GABRB1: variants seen among roughly 807,000 people sequenced by gnomAD.
GABRB1 encodes gamma-aminobutyric acid type A receptor subunit beta1.
In GABRB1, 17 loss-of-function variants were observed where a neutral mutation model predicts 51.6. The ratio of observed to expected loss-of-function variants is 0.33; its 90% CI spans 0.23 to 0.49. The LOEUF (loss-of-function observed/expected upper bound fraction) is 0.49, where lower values mean the gene tolerates loss of function less well. Ranked by LOEUF, GABRB1 falls within the 20% of genes least tolerant of loss-of-function variation. GABRB1 has a pLI of 0.99. For missense variants in GABRB1, 410 were observed against 600.6 expected, an observed-to-expected ratio of 0.68 and a Z score of 3.32; for synonymous variants, 247 against 218.9, an observed-to-expected ratio of 1.13 and a Z score of -1.14.
chr4:47,257,416 C>A (rs1289431716), intron 4 of GABRB1, among the ~76,000 whole-genome samples: 1 of 152,066 alleles, frequency 6.6e-6, no homozygotes, highest in Non-Finnish European at 1.5e-5. Context: ...TTTGAGTGTA[C>A]CATCTCTTTT....
chr4:47,336,635 A>T (rs938364351), intron 5 of GABRB1, among the ~76,000 whole-genome samples: 57 of 149,776 alleles, frequency 3.8e-4, no homozygotes, highest in African/African-American at 1.4e-3. Flanking sequence ...AATCAAGGTA[A>T]AAAAAAAATG....
At chr4:47,025,039 A>G (rs1292747552) in intron 1 of GABRB1, among the ~76,000 whole-genome samples, 1 of 148,424 alleles carries the variant, frequency 6.7e-6, no homozygotes, top group Admixed American at 6.8e-5. Context: ...AAAATTTACA[A>G]TTACATTTCA....
intron 4 of GABRB1, among the ~76,000 whole-genome samples, chr4:47,231,654 T>A (rs1005903615): frequency 6.6e-6 from 1 of 152,214 alleles, no homozygotes; most frequent in African/African-American, 2.4e-5. Flanking sequence ...GGAACTAGAT[T>A]ACCTTTTCAT....
chr4:47,412,138 A>G (rs1186956338), intron 8 of GABRB1, among the ~76,000 whole-genome samples: 2 of 152,110 alleles, frequency 1.3e-5, no homozygotes, highest in Non-Finnish European at 2.9e-5. Flanking sequence ...CATGATAGTG[A>G]GTATATGTTT....
Position 47,184,867 on chromosome 4 carries a change from T to C in GABRB1, c.461+23398T>C, listed in dbSNP as rs556697894. Among the ~76,000 whole-genome samples, 11 of 151,720 alleles carry C rather than the reference T, an allele frequency of 7.3e-5. No homozygotes were observed. The East Asian group carries it at 2.1e-3, about 30-fold the overall frequency. ...ATCAGAGACTGCCACATACATAAGG[T>C]TTTTGAATATTATATCTTTTAGGCA... On this transcript the variant is annotated intron_variant, in intron 4 of 8. Coordinates refer to ENST00000295454, the MANE Select transcript of GABRB1 (RefSeq NM_000812.4).
At chr4:47,125,555 A>ATTTTTTTTTTTTT (rs570181191) in intron 3 of GABRB1, among the ~76,000 whole-genome samples, 25 of 21,024 alleles carry the variant, frequency 1.2e-3, no homozygotes, top group East Asian at 3.2e-3. Context: ...ACAAAGTATA[A>ATTTTTTTTTTTTT]TTTCTTTTTT....
At position 47,002,510 on chromosome 4, in the gene GABRB1, T is replaced by A. The variant is rs1560492324; in HGVS notation, c.-20+8584T>A. The stretch of plus-strand genomic sequence containing the variant: ...TCACTAATCATTCTAGACACAAATA[T>A]TTTAGTCTTTCAAATGTTTAAATAA... On this transcript the variant is annotated intron_variant, in intron 1 of 3. Transcript: ENST00000513567. Among the ~76,000 whole-genome samples the A allele has an allele frequency of 1.3e-5, 2 of 152,160 alleles. 1 individual carries two copies. The highest frequency in any genetic ancestry group is 3.8e-4 in the East Asian group (2 of 5,198).
intron 5 of GABRB1, among the ~76,000 whole-genome samples, chr4:47,386,803 A>T (rs1388642579): frequency 6.6e-6 from 1 of 152,218 alleles, no homozygotes; most frequent in Non-Finnish European, 1.5e-5. Flanking sequence ...GTAACCCCAC[A>T]TTCTGTAAAA....
intron 3 of GABRB1, among the ~76,000 whole-genome samples, chr4:47,150,182 AACACACACACAC>A (rs36209473): frequency 3.6e-3 from 512 of 141,072 alleles, no homozygotes; most frequent in Middle Eastern, 0.011. Context: ...ACACACACAC[AACACACACACAC>A]ACACACACAC....
At chr4:47,102,766 C>T (rs1168788975) in intron 3 of GABRB1, among the ~76,000 whole-genome samples, 6 of 151,914 alleles carry the variant, frequency 3.9e-5, no homozygotes, top group African/African-American at 1.5e-4. Flanking sequence ...CTTAAAGCAT[C>T]AGAGTAGGAT....
At chr4:47,296,274 T>C (rs1723989439) in intron 4 of GABRB1, among the ~76,000 whole-genome samples, 1 of 152,164 alleles carries the variant, frequency 6.6e-6, no homozygotes, top group Non-Finnish European at 1.5e-5. Context: ...ACCTTAAATG[T>C]AAATGAGCTA....
At chr4:47,017,973 A>G (rs1260613882) in intron 1 of GABRB1, among the ~76,000 whole-genome samples, 1 of 151,960 alleles carries the variant, frequency 6.6e-6, no homozygotes, top group Non-Finnish European at 1.5e-5. Context: ...GTTGTTATTC[A>G]TGTTTTCATT....
At chr4:47,189,006 A>G (rs1244086327) in intron 4 of GABRB1, among the ~76,000 whole-genome samples, 1 of 152,062 alleles carries the variant, frequency 6.6e-6, no homozygotes, top group Non-Finnish European at 1.5e-5. Context: ...AGAAGGAGAT[A>G]GAGTCTGGGA....
chr4:47,262,283 C>T (rs1010497361), intron 4 of GABRB1, among the ~76,000 whole-genome samples: 10 of 152,078 alleles, frequency 6.6e-5, no homozygotes, highest in African/African-American at 1.9e-4. Flanking sequence ...AAAATTTTCG[C>T]AAACTACACA....
intron 5 of GABRB1, among the ~76,000 whole-genome samples, chr4:47,323,665 A>G (rs1725160328): frequency 1.3e-5 from 2 of 152,204 alleles, no homozygotes; most frequent in Admixed American, 1.3e-4. Flanking sequence ...TGACCAACAG[A>G]GTGGAAACTT....
chr4:47,278,373 C>G (rs1475818849), intron 4 of GABRB1, among the ~76,000 whole-genome samples: 1 of 152,090 alleles, frequency 6.6e-6, no homozygotes, highest in Non-Finnish European at 1.5e-5. Flanking sequence ...TGCCAAAGAA[C>G]ATAAAATGCT....
chr4:47,164,593 C>A (rs575541335), intron 4 of GABRB1, among the ~76,000 whole-genome samples: 3 of 152,038 alleles, frequency 2.0e-5, no homozygotes, highest in Non-Finnish European at 4.4e-5. Context: ...TCTGAATGCA[C>A]TGGAAAGCCT....
At chr4:47,394,180 C>T (rs1454510044) in intron 5 of GABRB1, among the ~76,000 whole-genome samples, 1 of 152,160 alleles carries the variant, frequency 6.6e-6, no homozygotes, top group Admixed American at 6.5e-5. Flanking sequence ...GTTCTGTCAG[C>T]CCTGTTTTTA....
At chr4:47,253,828 G>C (rs1475231268) in intron 4 of GABRB1, among the ~76,000 whole-genome samples, 2 of 152,128 alleles carry the variant, frequency 1.3e-5, no homozygotes, top group African/African-American at 4.8e-5. Flanking sequence ...GGCCATAATA[G>C]TCATGTTTTC....
Sources: gnomAD v4.1 joint callset for allele counts (sites outside exome capture counted in the v4.1 genomes callset) on GRCh38, gnomAD v4.1.1 for gene constraint, MANE v1.5 for transcripts, NCBI Gene and HGNC (gene_info 2026-07-23, HGNC 2026-07-21) for gene names.